The following LMNTD1 variants were observed in gnomAD, a reference collection of about 807,000 sequenced individuals.
LMNTD1 encodes the protein lamin tail domain containing 1, also known as lamin tail domain-containing protein 1.
Under a neutral mutation model 50.9 loss-of-function variants are expected in LMNTD1, and 35 were observed. That is an observed-to-expected ratio of 0.69 (90% CI 0.53 to 0.91). LMNTD1 has a LOEUF of 0.91. Among genes scored for constraint, LMNTD1 ranks in the 40% least tolerant of loss-of-function variants. LMNTD1 has a pLI of 0.00. For synonymous variants in LMNTD1, 153 were observed against 161.9 expected (o/e 0.94, Z 0.42); for missense variants, 470 against 475.5 (o/e 0.99, Z 0.11).
At chr12:25,584,466 C>T (rs768361356) in intron 1 of LMNTD1, among the ~76,000 whole-genome samples, 18 of 152,114 alleles carry the variant, frequency 1.2e-4, no homozygotes, top group Non-Finnish European at 2.4e-4. Flanking sequence ...TTTTGACTTT[C>T]GAGAATTGAC....
intron 3 of LMNTD1, among the ~76,000 whole-genome samples, chr12:25,549,122 A>G (rs1943601717): frequency 3.3e-5 from 5 of 152,040 alleles, no homozygotes; most frequent in Admixed American, 3.3e-4. Flanking sequence ...TATTTGGCAC[A>G]TGCATGTATG....
At chr12:25,612,736 G>C (rs1276577644) in intron 1 of LMNTD1, among the ~76,000 whole-genome samples, 3 of 152,066 alleles carry the variant, frequency 2.0e-5, no homozygotes, top group South Asian at 4.1e-4. Context: ...TGTCCCCCGT[G>C]TATAGAGTTT....
intron 1 of LMNTD1, among the ~76,000 whole-genome samples, chr12:25,603,712 T>TAGGGCAGAATAATAGCAC (rs1462299860): frequency 1.3e-5 from 2 of 152,024 alleles, no homozygotes; most frequent in East Asian, 3.8e-4. Context: ...ACAATAAATA[T>TAGGGCAGAATAATAGCAC]ACACAAATAG....
At chr12:25,585,688 A>G (rs1037466497) in intron 1 of LMNTD1, among the ~76,000 whole-genome samples, 18 of 152,222 alleles carry the variant, frequency 1.2e-4, no homozygotes, top group Admixed American at 2.0e-4. Context: ...CCAACAGCCA[A>G]CTGAAGAGAT....
chr12:25,496,244 C>A (rs1362842512), intron 9 of LMNTD1, among the ~76,000 whole-genome samples: 1 of 152,110 alleles, frequency 6.6e-6, no homozygotes, highest in Non-Finnish European at 1.5e-5. Flanking sequence ...GTCACCAGAG[C>A]CCTTTTGGTT....
chr12:25,588,148 T>G (rs1261498531), intron 1 of LMNTD1, among the ~76,000 whole-genome samples: 1 of 152,182 alleles, frequency 6.6e-6, no homozygotes, highest in Non-Finnish European at 1.5e-5. Context: ...AATTACTGAT[T>G]ATACTAAATG....
chr12:25,641,649 C>T (rs1342028857), intron 1 of LMNTD1, among the ~76,000 whole-genome samples: 1 of 152,092 alleles, frequency 6.6e-6, no homozygotes, highest in Non-Finnish European at 1.5e-5. Flanking sequence ...ACTGCTTGTA[C>T]TATTATTTAT....
chr12:25,590,467 T>G (rs1301692818), intron 1 of LMNTD1, among the ~76,000 whole-genome samples: 1 of 152,120 alleles, frequency 6.6e-6, no homozygotes, highest in Admixed American at 6.6e-5. Flanking sequence ...TGAAAGACAG[T>G]CTAGGCCACA....
intron 6 of LMNTD1, among the ~76,000 whole-genome samples, chr12:25,521,007 C>G (rs545507724): frequency 6.6e-6 from 1 of 152,206 alleles, no homozygotes; most frequent in African/African-American, 2.4e-5. Context: ...TTTTAAATGT[C>G]TTTGGAGAAA....
intron 1 of LMNTD1, among the ~76,000 whole-genome samples, chr12:25,598,460 G>C (rs1945888460): frequency 1.3e-5 from 2 of 151,686 alleles, no homozygotes; most frequent in African/African-American, 2.4e-5. Context: ...AGAAAAGTAA[G>C]AGCAAACCAA....
At chr12:25,644,357 T>C (rs575834698) in intron 1 of LMNTD1, among the ~76,000 whole-genome samples, 43 of 147,510 alleles carry the variant, frequency 2.9e-4, no homozygotes, top group Middle Eastern at 3.6e-3. Flanking sequence ...TGGTGGCATG[T>C]GCCTGTGGTC....
rs531961959 is a variant in LMNTD1, at chr12:25,543,028, A to C, written c.491+3346T>G. ...TTATGCAAATAATTGGACAACTTAGATAAAAATGGACACATTTCTTGAAAG... is the reference window on the plus strand; with the variant it reads ...TTATGCAAATAATTGGACAACTTAGCTAAAAATGGACACATTTCTTGAAAG... On this transcript the variant is annotated intron_variant, in intron 4 of 9. Transcript: ENST00000458174. Among the ~76,000 whole-genome samples the C allele has an allele frequency of 1.1e-4, 16 of 152,158 alleles. 1 individual carries two copies. Among genetic ancestry groups the C allele is most frequent in the Non-Finnish European group, 2.2e-4 (15 of 67,954 alleles).
intron 6 of LMNTD1, among the ~76,000 whole-genome samples, chr12:25,522,482 G>A (rs1027022874): frequency 6.6e-6 from 1 of 152,166 alleles, no homozygotes; most frequent in Admixed American, 6.5e-5. Flanking sequence ...ATTATTGAGA[G>A]TTAGAAGATA....
Position 25,552,985 on chromosome 12 carries a change from C to A in LMNTD1, c.-26G>T, listed in dbSNP as rs373055054. On this transcript the variant is annotated 5_prime_UTR_variant, in exon 2 of 10. It introduces an in-frame stop codon into an upstream open reading frame of the 5' UTR. Coordinates refer to ENST00000458174, the MANE Select transcript of LMNTD1 (RefSeq NM_001145728.2). ...CTTGGCTAGAAAAGAAGTCTCTTTTCTTTCCTAGGAAAGCAGATCATGACA... is the reference window on the plus strand; with the variant it reads ...CTTGGCTAGAAAAGAAGTCTCTTTTATTTCCTAGGAAAGCAGATCATGACA... 99 of 1,609,662 alleles carry A rather than the reference C, an allele frequency of 6.2e-5. No homozygotes were observed. Among genetic ancestry groups the A allele is most frequent in the Admixed American group, 1.7e-4 (10 of 59,606 alleles).
chr12:25,520,741 T>A (rs760984124), intron 6 of LMNTD1, among the ~76,000 whole-genome samples: 21 of 152,212 alleles, frequency 1.4e-4, no homozygotes, highest in Non-Finnish European at 2.8e-4. Context: ...CTGGGTTGTA[T>A]GGTAGCTCTA....
chr12:25,625,939 A>G (rs1272709384), intron 1 of LMNTD1, among the ~76,000 whole-genome samples: 1 of 152,252 alleles, frequency 6.6e-6, no homozygotes, highest in Non-Finnish European at 1.5e-5. Context: ...CGAATGATTC[A>G]GGCCTCTTCA....
chr12:25,611,188 A>G (rs958315529), intron 1 of LMNTD1, among the ~76,000 whole-genome samples: 1 of 152,232 alleles, frequency 6.6e-6, no homozygotes, highest in Non-Finnish European at 1.5e-5. Flanking sequence ...GTGATTAAGA[A>G]GAAATGTTAT....
intron 1 of LMNTD1, among the ~76,000 whole-genome samples, chr12:25,634,943 T>TA (rs145708720): frequency 2.6e-5 from 4 of 151,958 alleles, no homozygotes; most frequent in Non-Finnish European, 4.4e-5. Flanking sequence ...CTAGAACTTA[T>TA]AAAAAAAATT....
chr12:25,606,906 G>T (rs1184646869), intron 1 of LMNTD1, among the ~76,000 whole-genome samples: 1 of 152,142 alleles, frequency 6.6e-6, no homozygotes, highest in Non-Finnish European at 1.5e-5. Context: ...CAGAAGGAAC[G>T]GTATCAGCTC....
Sources: allele counts gnomAD v4.1 joint callset (sites outside exome capture counted in the v4.1 genomes callset), GRCh38; gene constraint gnomAD v4.1.1; transcripts MANE v1.5; gene names NCBI Gene and HGNC (gene_info 2026-07-23, HGNC 2026-07-21).